FAHD1: variants seen among roughly 807,000 people sequenced by gnomAD.
FAHD1 encodes oxaloacetate tautomerase FAHD1, mitochondrial.
FAHD1 carries 14 observed loss-of-function variants against 12.7 expected under a neutral mutation model. That is an observed-to-expected ratio of 1.10 (90% CI 0.73 to 1.72). The LOEUF is 1.72. Among genes scored for constraint, FAHD1 ranks in the 40% most tolerant of loss-of-function variants. The probability of loss-of-function intolerance (pLI) is 0.00; values close to 1 mark genes in which losing one functional copy is unlikely to be tolerated. For synonymous variants in FAHD1, 153 were observed against 124.9 expected (o/e 1.22, Z -1.50); for missense variants, 351 against 298.9 (o/e 1.17, Z -1.29).
At chr16:1,828,683 A>C in exon 1 of FAHD1, 1 of 927,394 alleles carries the variant, frequency 1.1e-6, no homozygotes, top group Non-Finnish European at 1.3e-6. Flanking sequence ...ATTTGATAGG[A>C]TTAATCTCCA....
exon 1 of FAHD1, chr16:1,827,815 G>T (rs1406331854): frequency 6.2e-7 from 1 of 1,614,002 alleles, no homozygotes; most frequent in Non-Finnish European, 8.5e-7. Context: ...GCCAAAGGGA[G>T]TTGGACCGGT....
At chr16:1,833,554 CTTTT>C (rs769668788), downstream of FAHD1, among the ~76,000 whole-genome samples, 2 of 114,286 alleles carry the variant, frequency 1.7e-5, no homozygotes, top group Non-Finnish European at 1.7e-5. Flanking sequence ...TTTAGAGGTA[CTTTT>C]TTTTTTTTTT....
chr16:1,829,124 C>T (rs150751353), downstream of FAHD1, among the ~76,000 whole-genome samples: 67 of 152,234 alleles, frequency 4.4e-4, 1 homozygote, highest in African/African-American at 1.4e-3. Context: ...TTGCCTGCAC[C>T]CTCCTCTGAA....
chr16:1,831,341 G>A (rs921271516), downstream of FAHD1, among the ~76,000 whole-genome samples: 6 of 152,158 alleles, frequency 3.9e-5, no homozygotes, highest in South Asian at 6.2e-4. Flanking sequence ...GAAGAGAAGC[G>A]TAATGAAGCA....
downstream of FAHD1, among the ~76,000 whole-genome samples, chr16:1,830,938 A>ACCC (rs1396775843): frequency 9.3e-5 from 11 of 118,780 alleles, no homozygotes; most frequent in African/African-American, 3.1e-4. Flanking sequence ...ACACACACAC[A>ACCC]CACACACCCA....
chr16:1,830,944 A>ACACCCCACCCACC (rs57025691), downstream of FAHD1, among the ~76,000 whole-genome samples: 2 of 147,206 alleles, frequency 1.4e-5, no homozygotes, highest in Non-Finnish European at 3.0e-5. Flanking sequence ...ACACACACAC[A>ACACCCCACCCACC]CCCATATTTT....
At chr16:1,827,249 C>G (rs1466483016) in exon 1 of FAHD1, 2 of 1,608,582 alleles carry the variant, frequency 1.2e-6, no homozygotes, top group South Asian at 1.1e-5. Flanking sequence ...ATGGCAGCAT[C>G]CAGGCCATTG....
chr16:1,838,046 G>T lies in FAHD1; in HGVS notation c.658G>T (p.Glu220Ter). The T allele has an allele frequency of 8.1e-7, 1 of 1,227,688 alleles. No homozygotes were observed. Among genetic ancestry groups the T allele is most frequent in the South Asian group, 1.6e-5 (1 of 61,620 alleles). 76.0% of individuals were successfully genotyped at this position (1,227,688 alleles called of 1,614,324 possible). A position where few individuals can be genotyped will look rare whatever the true frequency, so the allele number is the denominator to read the frequency against. ...GGGTCTCACTCTGTCGCCCAAGCTG[G>T]AGTGCAGCAGTGCTATCACAGCTCA... Residue 220 changes from glutamate to a stop codon, truncating the protein, a stop_gained, in exon 2 of 3, where the codon GAG (glutamate) becomes TAG (stop). Coordinates refer to the FAHD1 transcript ENST00000382666. LOFTEE classifies it high-confidence loss of function.
exon 1 of FAHD1, chr16:1,827,635 C>T (rs1339461433): frequency 2.5e-6 from 4 of 1,613,894 alleles, no homozygotes; most frequent in Non-Finnish European, 3.4e-6. Context: ...CGCGTTCGTG[C>T]CCAAGGAGAA....
At chr16:1,833,489 C>T (rs113651471), downstream of FAHD1, among the ~76,000 whole-genome samples, 123 of 151,654 alleles carry the variant, frequency 8.1e-4, 1 homozygote, top group Middle Eastern at 3.4e-3. Flanking sequence ...CCCTTGCCCT[C>T]ATCCTGTCAG....
In FAHD1 at chr16:1,827,264, G is replaced by A. The variant is rs1567267000; in HGVS notation, c.26G>A (p.Arg9His). 5 of 1,611,988 alleles carry A rather than the reference G, an allele frequency of 3.1e-6. No individual in the cohort carries two copies. The South Asian group carries it at 4.4e-5, about 14-fold the overall frequency. ...ATGGCAGCATCCAGGCCATTGTCCC[G>A]CTTCTGGGAGTGGGGAAAGAACATC... The change falls in exon 1 of 1, where the codon CGC becomes CAC. Residue 9 changes from arginine (R) to histidine (H), a missense_variant. Coordinates refer to ENST00000427358, the Ensembl canonical transcript of FAHD1.
At chr16:1,833,579 T>TA (rs1224832126), downstream of FAHD1, among the ~76,000 whole-genome samples, 41 of 133,388 alleles carry the variant, frequency 3.1e-4, no homozygotes, top group Non-Finnish European at 4.8e-4. Flanking sequence ...TTTTTTTTTT[T>TA]AAGACAGAGT....
At chr16:1,834,946 C>CCA (rs1238181996) in intron 1 of FAHD1, among the ~76,000 whole-genome samples, 1 of 129,850 alleles carries the variant, frequency 7.7e-6, no homozygotes, top group East Asian at 2.5e-4. Context: ...CCCCACCCCC[C>CCA]CCCACTAAAA....
chr16:1,827,397 C>T (rs374700352), exon 1 of FAHD1: 47 of 1,611,334 alleles, frequency 2.9e-5, no homozygotes, highest in East Asian at 2.7e-4. Flanking sequence ...CGCCCGAGGG[C>T]TCGCCCATCC....
downstream of FAHD1, among the ~76,000 whole-genome samples, chr16:1,830,944 A>ACACACACACACC (rs57025691): frequency 8.8e-4 from 129 of 147,294 alleles, no homozygotes; most frequent in South Asian, 1.5e-3. Context: ...ACACACACAC[A>ACACACACACACC]CCCATATTTT....
exon 3 of FAHD1, chr16:1,839,457 A>T: frequency 6.3e-7 from 1 of 1,591,118 alleles, no homozygotes; most frequent in South Asian, 1.1e-5. Flanking sequence ...AAACAAAGAC[A>T]ATGATAAAAT....
exon 1 of FAHD1, chr16:1,828,029 C>G: frequency 2.7e-6 from 4 of 1,474,418 alleles, no homozygotes; most frequent in Non-Finnish European, 3.6e-6. Context: ...CGCCTGTAAT[C>G]GCAGCACTTT....
At chr16:1,828,184 G>C in exon 1 of FAHD1, 1 of 845,176 alleles carries the variant, frequency 1.2e-6, no homozygotes, top group Non-Finnish European at 1.5e-6. Context: ...TGGAGGCTGA[G>C]GCAGGAGAAT....
exon 3 of FAHD1, chr16:1,839,623 C>G: frequency 1.9e-6 from 1 of 539,918 alleles, no homozygotes; most frequent in Non-Finnish European, 3.2e-6. Context: ...CGCAGCCATT[C>G]TCAGGAGTCA....
Sources: gnomAD v4.1 joint callset for allele counts (sites outside exome capture counted in the v4.1 genomes callset) on GRCh38, gnomAD v4.1.1 for gene constraint, MANE v1.5 for transcripts, NCBI Gene and HGNC (gene_info 2026-07-23, HGNC 2026-07-21) for gene names.